ANKAR: variants seen among roughly 807,000 people sequenced by gnomAD.
ANKAR encodes the protein ankyrin and armadillo repeat-containing protein.
ANKAR carries 136 observed loss-of-function variants against 146.2 expected under a neutral mutation model. The ratio of observed to expected loss-of-function variants is 0.93; its 90% confidence interval spans 0.81 to 1.07. The LOEUF (loss-of-function observed/expected upper bound fraction) is 1.07, where lower values mean the gene tolerates loss of function less well. ANKAR is among the 50% of genes least tolerant of loss of function. The probability of loss-of-function intolerance (pLI) is 0.00; values close to 1 mark genes in which losing one functional copy is unlikely to be tolerated. For missense variants in ANKAR, 1,567 were observed against 1,679.9 expected (o/e 0.93, Z 1.18); for synonymous variants, 500 against 575.8 (o/e 0.87, Z 1.88).
chr2:189,748,719 A>G (rs1480148321), downstream of ANKAR, among the ~76,000 whole-genome samples: 1 of 152,234 alleles, frequency 6.6e-6, no homozygotes, highest in East Asian at 1.9e-4. Flanking sequence ...ATAAGAATTT[A>G]TAACAATGGA....
chr2:189,708,071 G>A (rs1241648997), intron 9 of ANKAR, among the ~76,000 whole-genome samples: 19 of 152,122 alleles, frequency 1.2e-4, no homozygotes, highest in East Asian at 3.9e-4. Context: ...TTACCCAAGC[G>A]TAAAGCATAG....
intron 2 of ANKAR, among the ~76,000 whole-genome samples, chr2:189,678,757 G>A (rs536182256): frequency 3.7e-4 from 56 of 152,208 alleles, no homozygotes; most frequent in African/African-American, 1.3e-3. Flanking sequence ...TTATTTCCGC[G>A]TTCTCTATTC....
chr2:189,746,649 G>T, downstream of ANKAR: 1 of 1,554,206 alleles, frequency 6.4e-7, no homozygotes, highest in African/African-American at 1.4e-5. Flanking sequence ...AGAATGAAAG[G>T]ATTCCTGAGC....
chr2:189,684,451 C>T (rs1284520503), intron 2 of ANKAR, among the ~76,000 whole-genome samples: 1 of 152,072 alleles, frequency 6.6e-6, no homozygotes, highest in Non-Finnish European at 1.5e-5. Context: ...CTTGAGAGCA[C>T]AGAAAATTGT....
intron 9 of ANKAR, among the ~76,000 whole-genome samples, chr2:189,708,237 T>C (rs1012747677): frequency 2.6e-5 from 4 of 152,200 alleles, no homozygotes; most frequent in African/African-American, 9.6e-5. Flanking sequence ...TTTCTGTGGT[T>C]TTGGTTACCT....
chr2:189,676,366 G>T, intron 1 of ANKAR, 90 bp from the exon 2 acceptor site: 8 of 1,154,736 alleles, frequency 6.9e-6, no homozygotes, highest in South Asian at 1.8e-5. Context: ...ATCTTATGTA[G>T]GTGAAAGGTA....
intron 2 of ANKAR, among the ~76,000 whole-genome samples, chr2:189,688,568 T>C (rs984748711): frequency 6.6e-6 from 1 of 152,216 alleles, no homozygotes; most frequent in African/African-American, 2.4e-5. Flanking sequence ...GTCTTCAAGC[T>C]GGCCATTCTG....
intron 17 of ANKAR, among the ~76,000 whole-genome samples, chr2:189,734,315 G>T (rs1165100593): frequency 6.6e-6 from 1 of 152,138 alleles, no homozygotes; most frequent in Non-Finnish European, 1.5e-5. Context: ...ATCCATTGAT[G>T]CAACAATAAT....
chr2:189,738,892 C>G (rs1559142441), intron 19 of ANKAR, among the ~76,000 whole-genome samples: 1 of 152,132 alleles, frequency 6.6e-6, no homozygotes, highest in Non-Finnish European at 1.5e-5. Flanking sequence ...CTGAGTAACT[C>G]TGAATACAGA....
chr2:189,728,119 G>A (rs757168831), intron 13 of ANKAR, 22 bp downstream of exon 13: 4 of 1,573,994 alleles, frequency 2.5e-6, no homozygotes, highest in Non-Finnish European at 3.4e-6. Context: ...ATGATTACTG[G>A]TCATTTTTCT....
Position 189,689,596 on chromosome 2 carries a change from C to T in ANKAR, c.671C>T (p.Thr224Ile), listed in dbSNP as rs1156760928. The T allele has an allele frequency of 2.5e-6, 4 of 1,613,080 alleles. No homozygotes were observed. The highest frequency in any genetic ancestry group is 1.1e-5 in the South Asian group (1 of 90,874). Reference sequence around the variant, plus strand: ...GATGAAGACGTGAATGAAGATCCAACATATGATCCCAACAGCCCTGAAGAA... The same window carrying T: ...GATGAAGACGTGAATGAAGATCCAATATATGATCCCAACAGCCCTGAAGAA... ...IYDEDVNEDP[T>I]YDPNSPEETA... is the part of the protein sequence containing the mutation. Residue 224 changes from threonine (T) to isoleucine (I), a missense_variant, in exon 3 of 23, where the codon ACA becomes ATA. By Grantham distance (89) the Thr-to-Ile change is moderately conservative. Coordinates refer to ENST00000684021, the MANE Select transcript of ANKAR (RefSeq NM_001378068.1).
At chr2:189,700,608 C>G (rs1230056080) in intron 7 of ANKAR, among the ~76,000 whole-genome samples, 1 of 152,072 alleles carries the variant, frequency 6.6e-6, no homozygotes, top group Non-Finnish European at 1.5e-5. Flanking sequence ...CTATAGTCAC[C>G]TTGTTGCGCT....
intron 3 of ANKAR, 103 bp from the exon 4 acceptor site, chr2:189,692,152 G>T: frequency 1.0e-6 from 1 of 975,260 alleles, no homozygotes. Context: ...ATTTCATCTG[G>T]AATTTTCTCA....
Position 189,707,452 on chromosome 2 carries a change from CAA to C in ANKAR, c.2119+328_2119+329del, listed in dbSNP as rs67227035. On this transcript the variant is annotated intron_variant, in intron 9 of 22. Transcript: ENST00000684021. Reference sequence around the variant, plus strand: ...GAAGTTCAAACATCCTCTCCTTCATCAAAAAAAAAAAAAAAAAAAAAAAGGAA... The same window carrying C: ...GAAGTTCAAACATCCTCTCCTTCATCAAAAAAAAAAAAAAAAAAAAAGGAA... Among the ~76,000 whole-genome samples the C allele has an allele frequency of 2.6e-4, 19 of 72,930 alleles. No individual in the cohort carries two copies. The East Asian group carries it at 2.7e-3, about 10-fold the overall frequency. The allele number at this position is 72,930 out of a possible 152,430, so 47.8% of individuals were successfully genotyped here. A position where few individuals can be genotyped will look rare whatever the true frequency, so the allele number is the denominator to read the frequency against.
At chr2:189,721,219 C>G (rs890563265) in intron 12 of ANKAR, among the ~76,000 whole-genome samples, 1 of 152,076 alleles carries the variant, frequency 6.6e-6, no homozygotes, top group Non-Finnish European at 1.5e-5. Context: ...AACTCCTGAC[C>G]TTGTGATCTA....
chr2:189,760,485 C>CA (rs1291134258), intron 18 of ANKAR, among the ~76,000 whole-genome samples: 1 of 152,184 alleles, frequency 6.6e-6, no homozygotes, highest in African/African-American at 2.4e-5. Flanking sequence ...AAAAAATCTG[C>CA]AAATACATTA....
chr2:189,736,981 G>T (rs2042914787), intron 17 of ANKAR, among the ~76,000 whole-genome samples: 1 of 151,724 alleles, frequency 6.6e-6, no homozygotes, highest in Non-Finnish European at 1.5e-5. Flanking sequence ...GGCTGAAGTG[G>T]GAGCATTGCT....
At chr2:189,678,065 G>A (rs2034027600) in intron 2 of ANKAR, among the ~76,000 whole-genome samples, 1 of 152,138 alleles carries the variant, frequency 6.6e-6, no homozygotes, top group Admixed American at 6.5e-5. Context: ...CACCAGCAGT[G>A]TAAGTATTCC....
intron 10 of ANKAR, among the ~76,000 whole-genome samples, chr2:189,718,749 T>TC (rs2040866583): frequency 6.7e-6 from 1 of 149,808 alleles, no homozygotes; most frequent in Non-Finnish European, 1.5e-5. Context: ...TATTTTCTTT[T>TC]TTTTTTTTTT....
Sources: gnomAD v4.1 joint callset for allele counts (sites outside exome capture counted in the v4.1 genomes callset) on GRCh38, gnomAD v4.1.1 for gene constraint, MANE v1.5 for transcripts, NCBI Gene and HGNC (gene_info 2026-07-23, HGNC 2026-07-21) for gene names.